Variants in FARP1 observed in about 807,000 individuals in gnomAD.
The protein encoded by FARP1 is FERM, ARH/RhoGEF and pleckstrin domain protein 1, also known as FERM, ARHGEF and pleckstrin domain-containing protein 1.
Under a neutral mutation model 128.8 loss-of-function variants are expected in FARP1, and 52 were observed. The observed-to-expected ratio is 0.40, with a 90% CI of 0.32 to 0.51. FARP1 has a LOEUF of 0.51. FARP1 is among the 20% of genes least tolerant of loss of function. The probability of loss-of-function intolerance (pLI) is 0.45; values close to 1 mark genes in which losing one functional copy is unlikely to be tolerated. For missense variants in FARP1, 1,333 were observed against 1,367.9 expected (o/e 0.97, Z 0.40); for synonymous variants, 580 against 551.8 (o/e 1.05, Z -0.72).
In FARP1 at chr13:98,319,390, G is replaced by A. The variant is rs528818072; in HGVS notation, c.172-24372G>A. Among the ~76,000 whole-genome samples the A allele has an allele frequency of 1.8e-4, 28 of 152,308 alleles. No homozygotes were observed. In the East Asian group the frequency reaches 4.0e-3, roughly 22 times the overall value. Reference sequence around the variant, plus strand: ...AATCCCAGCACTTTGGGAGGCTGAGGCAGGCGGATCACAAGGTCAGGAGAT... The same window carrying A: ...AATCCCAGCACTTTGGGAGGCTGAGACAGGCGGATCACAAGGTCAGGAGAT... On this transcript the variant is annotated intron_variant, in intron 2 of 26. Coordinates refer to ENST00000319562, the MANE Select transcript of FARP1 (RefSeq NM_005766.4).
At position 98,432,177 on chromosome 13, in the gene FARP1, C is replaced by T. The variant is rs117567224; in HGVS notation, c.2143+897C>T. On this transcript the variant is annotated intron_variant, in intron 18 of 26. Coordinates refer to ENST00000319562, the MANE Select transcript of FARP1 (RefSeq NM_005766.4). Reference sequence around the variant, plus strand: ...AATGATTTGGAACCTAAATCTAGAACCCATGGTCACAACCGTCCTGCCCTT... The same window carrying T: ...AATGATTTGGAACCTAAATCTAGAATCCATGGTCACAACCGTCCTGCCCTT... The T allele has an allele frequency of 2.6e-3, 403 of 152,442 alleles. 4 individuals are homozygous for T. Among genetic ancestry groups the T allele is most frequent in the Middle Eastern group, 3.4e-3 (1 of 294 alleles). The allele number at this position is 152,442 out of a possible 1,614,324, so 9.4% of individuals were successfully genotyped here. A position where few individuals can be genotyped will look rare whatever the true frequency, so the allele number is the denominator to read the frequency against.
At chr13:98,435,882 C>G in intron 19 of FARP1, 176 bp downstream of exon 19, 1 of 731,100 alleles carries the variant, frequency 1.4e-6, no homozygotes, top group Non-Finnish European at 2.5e-6. Context: ...TCATTGTGTT[C>G]GGAGGAGATA....
intron 2 of FARP1, among the ~76,000 whole-genome samples, chr13:98,283,737 A>C (rs1290165624): frequency 6.6e-6 from 1 of 152,220 alleles, no homozygotes; most frequent in East Asian, 1.9e-4. Context: ...GTTAGTTTAT[A>C]TATCTCTGCA....
intron 2 of FARP1, among the ~76,000 whole-genome samples, chr13:98,287,800 CTTTTT>C (rs35204639): frequency 8.6e-5 from 10 of 116,676 alleles, no homozygotes; most frequent in Admixed American, 1.8e-4. Flanking sequence ...CCAGGCACTT[CTTTTT>C]TTTTTTTTTT....
At chr13:98,225,413 C>T (rs146460525) in intron 2 of FARP1, among the ~76,000 whole-genome samples, 1 of 152,188 alleles carries the variant, frequency 6.6e-6, no homozygotes, top group South Asian at 2.1e-4. Context: ...TTATTACGAT[C>T]TCACCCATTA....
intron 2 of FARP1, among the ~76,000 whole-genome samples, chr13:98,296,550 A>G (rs527488221): frequency 6.1e-4 from 93 of 151,924 alleles, no homozygotes; most frequent in African/African-American, 2.2e-3. Flanking sequence ...CACTCCTAGC[A>G]CAGGAGATGT....
intron 2 of FARP1, among the ~76,000 whole-genome samples, chr13:98,295,457 C>T (rs1332897126): frequency 6.6e-6 from 1 of 152,110 alleles, no homozygotes; most frequent in Non-Finnish European, 1.5e-5. Context: ...TAAGGAAGCT[C>T]GCTGGGTTAC....
chr13:98,411,229 C>T (rs1891181419), intron 15 of FARP1, among the ~76,000 whole-genome samples: 1 of 152,122 alleles, frequency 6.6e-6, no homozygotes, highest in Non-Finnish European at 1.5e-5. Flanking sequence ...CAAAATCTGC[C>T]AGAAGACCGC....
intron 2 of FARP1, among the ~76,000 whole-genome samples, chr13:98,305,124 T>A (rs947507963): frequency 6.6e-6 from 1 of 150,436 alleles, no homozygotes; most frequent in African/African-American, 2.4e-5. Context: ...ATATATTTTT[T>A]AATTTATTTA....
At chr13:98,175,435 G>C (rs577178341) in intron 1 of FARP1, among the ~76,000 whole-genome samples, 1 of 151,754 alleles carries the variant, frequency 6.6e-6, no homozygotes, top group East Asian at 1.9e-4. Context: ...TTGCTGTTTT[G>C]GTAACTCTTG....
At chr13:98,308,449 G>A (rs1376048379) in intron 2 of FARP1, among the ~76,000 whole-genome samples, 1 of 151,828 alleles carries the variant, frequency 6.6e-6, no homozygotes, top group Non-Finnish European at 1.5e-5. Flanking sequence ...TGAGGAAGGG[G>A]AATGGACGAA....
chr13:98,378,909 A>AAT (rs1555341971), intron 6 of FARP1, among the ~76,000 whole-genome samples: 1,294 of 82,496 alleles, frequency 0.016, 200 homozygotes, highest in Non-Finnish European at 0.025. Context: ...ATATATATAT[A>AAT]ATATATATAT....
intron 2 of FARP1, among the ~76,000 whole-genome samples, chr13:98,271,929 A>G (rs2389984): frequency 0.033 from 5,020 of 152,312 alleles, 107 homozygotes; most frequent in African/African-American, 0.043. Flanking sequence ...AGAATGATTT[A>G]TAATCCTTTG....
At chr13:98,292,307 G>A (rs1029681779) in intron 2 of FARP1, among the ~76,000 whole-genome samples, 7 of 152,208 alleles carry the variant, frequency 4.6e-5, no homozygotes, top group African/African-American at 1.7e-4. Flanking sequence ...TTTGTCCAGT[G>A]AACTTGACTC....
intron 2 of FARP1, among the ~76,000 whole-genome samples, chr13:98,214,738 T>G (rs539424667): frequency 6.6e-6 from 1 of 152,196 alleles, no homozygotes; most frequent in African/African-American, 2.4e-5. Context: ...TCTTGTGGAA[T>G]TTGTATCTTT....
chr13:98,385,247 T>C (rs1478785667), intron 7 of FARP1, among the ~76,000 whole-genome samples: 3 of 152,226 alleles, frequency 2.0e-5, no homozygotes, highest in Admixed American at 1.3e-4. Context: ...ATGGTACTTT[T>C]GGTTGTTGTT....
chr13:98,453,146 A>G lies in FARP1; in HGVS notation c.*4829A>G. On this transcript the variant is annotated 3_prime_UTR_variant, in exon 27 of 27. Transcript: ENST00000319562. ...GAGGATGAAGAAGGAAAAAAGGAAA[A>G]ACAAAACCCCAAATGCCAAAGGAAT... The G allele has an allele frequency of 6.2e-7, 1 of 1,613,516 alleles. No homozygotes were observed. Among genetic ancestry groups the G allele is most frequent in the Non-Finnish European group, 8.5e-7 (1 of 1,179,726 alleles).
At chr13:98,236,122 T>C (rs1882402063) in intron 2 of FARP1, among the ~76,000 whole-genome samples, 1 of 152,232 alleles carries the variant, frequency 6.6e-6, no homozygotes, top group African/African-American at 2.4e-5. Context: ...ATGTGGCCTT[T>C]TGTGACTGGC....
At chr13:98,186,957 A>C (rs1453871264) in intron 1 of FARP1, among the ~76,000 whole-genome samples, 1 of 129,360 alleles carries the variant, frequency 7.7e-6, no homozygotes, top group Non-Finnish European at 1.6e-5. Context: ...GCGCCACTGC[A>C]CTCTAGCCTG....
Sources: allele counts gnomAD v4.1 joint callset (sites outside exome capture counted in the v4.1 genomes callset), GRCh38; gene constraint gnomAD v4.1.1; transcripts MANE v1.5; gene names NCBI Gene and HGNC (gene_info 2026-07-23, HGNC 2026-07-21).